Variants in CACNA2D2 observed in about 807,000 individuals in gnomAD.
CACNA2D2 encodes calcium voltage-gated channel auxiliary subunit alpha2delta 2, also known as voltage-dependent calcium channel subunit alpha-2/delta-2.
CACNA2D2 carries 48 observed loss-of-function variants against 166.4 expected under a neutral mutation model. The ratio of observed to expected loss-of-function variants is 0.29; its 90% CI spans 0.23 to 0.37. CACNA2D2 has a LOEUF of 0.37. Among genes scored for constraint, CACNA2D2 ranks in the 10% least tolerant of loss-of-function variants. CACNA2D2 has a pLI of 1.00. For synonymous variants in CACNA2D2, 561 were observed against 573.7 expected (o/e 0.98, Z 0.32); for missense variants, 1,122 against 1,433.0 (o/e 0.78, Z 3.50).
At chr3:50,370,688 T>C (rs1704610218) in intron 22 of CACNA2D2, among the ~76,000 whole-genome samples, 3 of 151,908 alleles carry the variant, frequency 2.0e-5, no homozygotes, top group South Asian at 2.1e-4. Context: ...TACGGCTGTA[T>C]AGCACATATA....
At chr3:50,395,965 C>T (rs1221357535) in intron 3 of CACNA2D2, among the ~76,000 whole-genome samples, 1 of 152,188 alleles carries the variant, frequency 6.6e-6, no homozygotes, top group Non-Finnish European at 1.5e-5. Context: ...GCTTCCCTCT[C>T]CTTTGTAGGC....
intron 2 of CACNA2D2, among the ~76,000 whole-genome samples, chr3:50,464,505 C>T (rs1216545843): frequency 1.3e-5 from 2 of 152,158 alleles, no homozygotes; most frequent in Non-Finnish European, 2.9e-5. Context: ...AATGAGGGAA[C>T]CTATCCAGCC....
chr3:50,415,963 A>T (rs571365396), intron 3 of CACNA2D2: 4 of 152,386 alleles, frequency 2.6e-5, no homozygotes, highest in Admixed American at 6.5e-5. Context: ...TCAACTTCTT[A>T]CTGCCGTGCT....
At chr3:50,478,546 C>T (rs1325695202) in intron 1 of CACNA2D2, among the ~76,000 whole-genome samples, 1 of 152,256 alleles carries the variant, frequency 6.6e-6, no homozygotes, top group Non-Finnish European at 1.5e-5. Flanking sequence ...AGGGCATCCA[C>T]TACGTACAAG....
rs1345972361 is a variant in CACNA2D2, at chr3:50,503,253, G to A, written c.171C>T (p.Pro57=). The change falls in exon 1 of 38, where the codon CCC becomes CCT. Residue 57 remains proline, a synonymous_variant. Coordinates refer to ENST00000424201, the MANE Select transcript of CACNA2D2 (RefSeq NM_006030.4). ...LLPLLPLLAA[P]GASAYSFPQQ... is the part of the protein sequence containing the mutation. ...GGGGGAAGCTGTAGGCAGAGGCGCC[G>A]GGGGCGGCGAGCAGCGGTAGAAGCG... is the stretch of plus-strand genomic sequence containing the variant. 52 of 1,189,432 alleles carry A rather than the reference G, an allele frequency of 4.4e-5. No individual in the cohort carries two copies. The highest frequency in any genetic ancestry group is 5.4e-5 in the Non-Finnish European group (52 of 958,866). 73.7% of individuals were successfully genotyped at this position (1,189,432 alleles called of 1,614,324 possible). A position where few individuals can be genotyped will look rare whatever the true frequency, so the allele number is the denominator to read the frequency against.
intron 22 of CACNA2D2, among the ~76,000 whole-genome samples, chr3:50,370,619 T>C (rs1473891529): frequency 2.0e-5 from 3 of 152,106 alleles, no homozygotes. Flanking sequence ...GCCAATATGT[T>C]GCCCGGGCCT....
chr3:50,484,932 G>C (rs981469749), intron 1 of CACNA2D2, among the ~76,000 whole-genome samples: 2 of 152,224 alleles, frequency 1.3e-5, no homozygotes, highest in Non-Finnish European at 2.9e-5. Flanking sequence ...GGAGCTTGCG[G>C]AGAGGTTGGC....
At chr3:50,443,207 C>T (rs1488836953) in intron 2 of CACNA2D2, among the ~76,000 whole-genome samples, 1 of 152,202 alleles carries the variant, frequency 6.6e-6, no homozygotes, top group Non-Finnish European at 1.5e-5. Flanking sequence ...CTGGTGTGGG[C>T]GCCCATGTTT....
intron 4 of CACNA2D2, among the ~76,000 whole-genome samples, chr3:50,388,571 G>A (rs1705723445): frequency 6.6e-6 from 1 of 152,218 alleles, no homozygotes; most frequent in Non-Finnish European, 1.5e-5. Context: ...TGCCACCCAG[G>A]GGCTGGCTGT....
chr3:50,382,478 G>A (rs587742414), intron 6 of CACNA2D2, among the ~76,000 whole-genome samples: 1 of 152,324 alleles, frequency 6.6e-6, no homozygotes, highest in South Asian at 2.1e-4. Flanking sequence ...TGGAGCCTCT[G>A]CTGCGTCCGC....
chr3:50,398,027 C>T (rs1341632548), intron 3 of CACNA2D2, among the ~76,000 whole-genome samples: 1 of 152,146 alleles, frequency 6.6e-6, no homozygotes, highest in African/African-American at 2.4e-5. Context: ...TCCCTCCTAG[C>T]ACTTCCCTTC....
intron 3 of CACNA2D2, among the ~76,000 whole-genome samples, chr3:50,419,396 G>A (rs1455710106): frequency 6.6e-6 from 1 of 152,134 alleles, no homozygotes; most frequent in East Asian, 1.9e-4. Context: ...CTGACCACAT[G>A]AGCCAGGACC....
At position 50,364,619 on chromosome 3, in the gene CACNA2D2, G is replaced by A. The variant is rs587614191; in HGVS notation, c.*47C>T. 16 of 1,462,618 alleles carry A rather than the reference G, an allele frequency of 1.1e-5. No individual in the cohort carries two copies. Among genetic ancestry groups the A allele is most frequent in the Admixed American group, 5.4e-5 (2 of 37,026 alleles). The allele number at this position is 1,462,618 out of a possible 1,614,324, so 90.6% of individuals were successfully genotyped here. A position where few individuals can be genotyped will look rare whatever the true frequency, so the allele number is the denominator to read the frequency against. ...TGTGGGGCAGGAGGGTGGGAAAGGC[G>A]AAGAGGCCGGGTGAGGTGGGAGTGG... On this transcript the variant is annotated 3_prime_UTR_variant, in exon 38 of 38. Transcript: ENST00000424201.
chr3:50,375,762 G>C lies in CACNA2D2; in HGVS notation c.1845+47C>G. ...CTAGCAGGCAGGGGGCGCTGGGGTA[G>C]AAGGGTGCCCACCCTGACTCCCTGG... is the stretch of plus-strand genomic sequence containing the variant. On this transcript the variant is annotated intron_variant, in intron 20 of 37. Transcript: ENST00000424201. The surrounding 1 kb of genome is among the most constrained non-coding windows in gnomAD (Gnocchi z 4.0). 1.2e-6 allele frequency: 2 copies of C among 1,612,550 alleles called. No homozygotes were observed. The highest frequency in any genetic ancestry group is 1.7e-6 in the Non-Finnish European group (2 of 1,179,584).
intron 3 of CACNA2D2, among the ~76,000 whole-genome samples, chr3:50,403,133 T>C (rs944299519): frequency 2.0e-5 from 3 of 152,198 alleles, no homozygotes; most frequent in Admixed American, 2.0e-4. Context: ...CTCACCTCTC[T>C]GTACCTTGAT....
chr3:50,408,436 A>G (rs1706826770), intron 3 of CACNA2D2, among the ~76,000 whole-genome samples: 1 of 152,162 alleles, frequency 6.6e-6, no homozygotes, highest in South Asian at 2.1e-4. Context: ...GATGATGCTG[A>G]GGGCCCAGGC....
rs1705248502 is a variant in CACNA2D2, at chr3:50,380,577, C to T, written c.842+171G>A. On this transcript the variant is annotated intron_variant, in intron 8 of 37. Coordinates refer to ENST00000424201, the MANE Select transcript of CACNA2D2 (RefSeq NM_006030.4). The surrounding 1 kb of genome is among the most constrained non-coding windows in gnomAD (Gnocchi z 4.9). ...GACGGGGGGCATGGCAGCTGGGAGG[C>T]CTGCCTGGGTGATGGGATCCATTTT... is the stretch of plus-strand genomic sequence containing the variant. 6.6e-6 allele frequency among the ~76,000 whole-genome samples: 1 copy of T among 152,078 alleles called. No homozygotes were observed. The highest frequency in any genetic ancestry group is 6.6e-5 in the Admixed American group (1 of 15,266).
intron 3 of CACNA2D2, among the ~76,000 whole-genome samples, chr3:50,415,052 G>A (rs1707205413): frequency 6.6e-6 from 1 of 152,182 alleles, no homozygotes; most frequent in South Asian, 2.1e-4. Context: ...GGAGAACGCG[G>A]GTCATGGGGG....
intron 3 of CACNA2D2, among the ~76,000 whole-genome samples, chr3:50,430,055 G>A (rs1241987627): frequency 6.6e-6 from 1 of 152,178 alleles, no homozygotes; most frequent in Non-Finnish European, 1.5e-5. Context: ...TTAAGCCTGG[G>A]GCTGGTGTCT....
Sources: gnomAD v4.1 joint callset for allele counts (sites outside exome capture counted in the v4.1 genomes callset) on GRCh38, gnomAD v4.1.1 for gene constraint, Gnocchi (gnomAD v3.1) non-coding constraint, MANE v1.5 for transcripts, NCBI Gene and HGNC (gene_info 2026-07-23, HGNC 2026-07-21) for gene names.